Variants in TENM3 observed in about 807,000 individuals in gnomAD.
TENM3 encodes the protein teneurin transmembrane protein 3.
A neutral mutation model predicts 255.1 loss-of-function variants in TENM3; 63 were observed. The ratio of observed to expected loss-of-function variants is 0.25; its 90% CI spans 0.20 to 0.30. The LOEUF (loss-of-function observed/expected upper bound fraction) is 0.30, where lower values mean the gene tolerates loss of function less well. Among genes scored for constraint, TENM3 ranks in the 10% least tolerant of loss-of-function variants. The pLI is 1.00. For missense variants in TENM3, 2,929 were observed against 3,461.1 expected, an observed-to-expected ratio of 0.85 and a Z score of 3.86; for synonymous variants, 1,306 against 1,322.3, an observed-to-expected ratio of 0.99 and a Z score of 0.27.
At chr4:181,584,853 T>G in the TENM3 span, among the ~76,000 whole-genome samples, 1 of 152,128 alleles carries the variant, frequency 6.6e-6, no homozygotes, top group African/African-American at 2.4e-5. Flanking sequence ...AGCTATATAT[T>G]TAGCAGCAGA....
chr4:181,706,294 C>T, the TENM3 span, among the ~76,000 whole-genome samples: 3 of 152,270 alleles, frequency 2.0e-5, no homozygotes, highest in African/African-American at 7.2e-5. Context: ...TCTGATATGA[C>T]CCCGCCTCCA....
At chr4:181,937,192 G>C in the TENM3 span, among the ~76,000 whole-genome samples, 1 of 152,208 alleles carries the variant, frequency 6.6e-6, no homozygotes, top group Non-Finnish European at 1.5e-5. Flanking sequence ...GAGAAGAGAA[G>C]GAAGGCCAAG....
At chr4:182,062,071 G>C in the TENM3 span, among the ~76,000 whole-genome samples, 1 of 152,128 alleles carries the variant, frequency 6.6e-6, no homozygotes, top group Non-Finnish European at 1.5e-5. Flanking sequence ...TTGAGCTTAA[G>C]TGTCTGGTTA....
the TENM3 span, among the ~76,000 whole-genome samples, chr4:182,121,531 A>AT: frequency 7.2e-5 from 11 of 152,344 alleles, no homozygotes; most frequent in South Asian, 2.3e-3. Flanking sequence ...TAAAGCTAAT[A>AT]TCACAATAAC....
the TENM3 span, chr4:182,081,919 T>C: frequency 6.6e-6 from 1 of 152,178 alleles, no homozygotes; most frequent in African/African-American, 2.4e-5. Context: ...ACCAGATAAC[T>C]TCAAGGATGG....
At chr4:182,227,708 G>A (rs915041764) in intron 1 of TENM3, among the ~76,000 whole-genome samples, 2 of 150,938 alleles carry the variant, frequency 1.3e-5, no homozygotes, top group South Asian at 2.1e-4. Flanking sequence ...TGGCTTCCGG[G>A]CAAAGAAGAT....
intron 13 of TENM3, among the ~76,000 whole-genome samples, chr4:182,724,185 G>A (rs929122689): frequency 2.6e-5 from 4 of 152,110 alleles, no homozygotes; most frequent in Admixed American, 2.6e-4. Flanking sequence ...TATGATTAAT[G>A]CTATTAGACA....
the TENM3 span, among the ~76,000 whole-genome samples, chr4:182,033,773 C>T: frequency 6.8e-3 from 1,029 of 152,254 alleles, 11 homozygotes; most frequent in African/African-American, 0.023. Flanking sequence ...TGCATTGAAC[C>T]TTTTACCATT....
At chr4:182,688,463 C>G in intron 12 of TENM3, 112 bp downstream of exon 12, 1 of 835,480 alleles carries the variant, frequency 1.2e-6, no homozygotes, top group Non-Finnish European at 1.7e-6. Context: ...TTTTACTTGT[C>G]TTTCTTAACA....
At chr4:182,062,043 G>A in the TENM3 span, among the ~76,000 whole-genome samples, 1 of 152,072 alleles carries the variant, frequency 6.6e-6, no homozygotes, top group Middle Eastern at 3.2e-3. Flanking sequence ...AACATAAGGA[G>A]GATGTCCTTA....
the TENM3 span, among the ~76,000 whole-genome samples, chr4:181,651,459 G>T: frequency 6.6e-6 from 1 of 152,092 alleles, no homozygotes; most frequent in Non-Finnish European, 1.5e-5. Flanking sequence ...ATGGTGGCAT[G>T]TGCCTGTAAT....
At chr4:182,778,795 G>A (rs896611724) in intron 24 of TENM3, among the ~76,000 whole-genome samples, 6 of 151,992 alleles carry the variant, frequency 3.9e-5, no homozygotes, top group Non-Finnish European at 7.4e-5. Context: ...ACATCACAAA[G>A]GAATTCATGG....
chr4:182,185,979 ATAAT>A (rs1229863689), intron 1 of TENM3, among the ~76,000 whole-genome samples: 15 of 152,252 alleles, frequency 9.9e-5, no homozygotes, highest in Non-Finnish European at 4.4e-5. Flanking sequence ...TCATTCTAAG[ATAAT>A]TAAAGTAATG....
the TENM3 span, among the ~76,000 whole-genome samples, chr4:181,714,562 A>G: frequency 5.9e-5 from 9 of 152,234 alleles, no homozygotes; most frequent in African/African-American, 1.2e-4. Flanking sequence ...TTGACAGTTC[A>G]GGAAGAAGCC....
chr4:182,498,031 A>T (rs1355988328), intron 3 of TENM3, among the ~76,000 whole-genome samples: 1 of 152,076 alleles, frequency 6.6e-6, no homozygotes, highest in Non-Finnish European at 1.5e-5. Flanking sequence ...AATTGTTAGA[A>T]GGTGATTTGG....
the TENM3 span, among the ~76,000 whole-genome samples, chr4:181,502,285 T>G: frequency 2.0e-5 from 3 of 152,112 alleles, no homozygotes; most frequent in Non-Finnish European, 4.4e-5. Flanking sequence ...TGATTGTTAA[T>G]GTTGGTTCAT....
chr4:181,995,222 G>A, the TENM3 span, among the ~76,000 whole-genome samples: 1,985 of 152,038 alleles, frequency 0.013, 40 homozygotes, highest in African/African-American at 0.045. Context: ...CCCGGGGGGC[G>A]GAGGTTGCAG....
At chr4:182,731,694 G>GGGGT (rs1383771777) in intron 16 of TENM3, among the ~76,000 whole-genome samples, 11 of 124,762 alleles carry the variant, frequency 8.8e-5, no homozygotes, top group Non-Finnish European at 1.7e-4. Context: ...TGGGTGTTGG[G>GGGGT]GTGTGTGTGT....
At chr4:181,851,590 G>A in the TENM3 span, among the ~76,000 whole-genome samples, 276 of 151,952 alleles carry the variant, frequency 1.8e-3, no homozygotes, top group African/African-American at 6.4e-3. Flanking sequence ...ATATACACAC[G>A]CACGCACGCA....
Sources: allele counts gnomAD v4.1 joint callset (sites outside exome capture counted in the v4.1 genomes callset), GRCh38; gene constraint gnomAD v4.1.1; transcripts MANE v1.5; gene names NCBI Gene and HGNC (gene_info 2026-07-23, HGNC 2026-07-21).